The following KCNAB1 variants were observed in gnomAD, a reference collection of about 807,000 sequenced individuals.
The protein encoded by KCNAB1 is voltage-gated potassium channel subunit beta-1.
In KCNAB1, 35 loss-of-function variants were observed where a neutral mutation model predicts 64.6. The ratio of observed to expected loss-of-function variants is 0.54; its 90% CI spans 0.41 to 0.72. The LOEUF (loss-of-function observed/expected upper bound fraction) is 0.72. KCNAB1 is among the 30% of genes least tolerant of loss of function. The probability of loss-of-function intolerance (pLI) is 0.00; values close to 1 mark genes in which losing one functional copy is unlikely to be tolerated. For missense variants in KCNAB1, 401 were observed against 512.9 expected (o/e 0.78, Z 2.11); for synonymous variants, 177 against 183.8 (o/e 0.96, Z 0.30).
At chr3:156,301,973 A>T (rs1229464115) in intron 1 of KCNAB1, among the ~76,000 whole-genome samples, 1 of 152,240 alleles carries the variant, frequency 6.6e-6, no homozygotes, top group Non-Finnish European at 1.5e-5. Context: ...AGTGTCTTAA[A>T]CTAACACAGA....
chr3:156,306,116 T>C (rs1302087674), intron 1 of KCNAB1, among the ~76,000 whole-genome samples: 1 of 152,230 alleles, frequency 6.6e-6, no homozygotes, highest in Non-Finnish European at 1.5e-5. Flanking sequence ...GTTATTGATA[T>C]TGATACTTAC....
At chr3:156,127,706 T>C (rs1426387945) in intron 1 of KCNAB1, among the ~76,000 whole-genome samples, 1 of 152,208 alleles carries the variant, frequency 6.6e-6, no homozygotes, top group African/African-American at 2.4e-5. Flanking sequence ...CATTGTCCTG[T>C]GTAGCTGCAC....
intron 8 of KCNAB1, among the ~76,000 whole-genome samples, chr3:156,495,696 G>A (rs143379235): frequency 0.025 from 3,809 of 152,176 alleles, 73 homozygotes; most frequent in South Asian, 0.068. Flanking sequence ...CCTCATGTGC[G>A]AAATAAGAAT....
intron 1 of KCNAB1, among the ~76,000 whole-genome samples, chr3:156,394,928 G>A (rs73019915): frequency 5.3e-5 from 8 of 152,284 alleles, no homozygotes; most frequent in Admixed American, 2.6e-4. Context: ...CATTGCAAAC[G>A]TGGAAATATT....
In KCNAB1 at chr3:156,257,679, T is replaced by C. The variant is rs1192344452; in HGVS notation, c.275+136793T>C. ...ATCCCCATGATCACAGGGAGTTGGA[T>C]TCAGGATTGATGCCTTACACAAAGA... On this transcript the variant is annotated intron_variant, in intron 1 of 13. Coordinates refer to ENST00000490337, the MANE Select transcript of KCNAB1 (RefSeq NM_172160.3). 1.3e-5 allele frequency among the ~76,000 whole-genome samples: 2 copies of C among 152,184 alleles called. 1 individual carries two copies. Among genetic ancestry groups the C allele is most frequent in the Non-Finnish European group, 2.9e-5 (2 of 68,030 alleles).
At chr3:156,254,939 A>G (rs1718018115) in intron 1 of KCNAB1, among the ~76,000 whole-genome samples, 1 of 152,240 alleles carries the variant, frequency 6.6e-6, no homozygotes, top group Non-Finnish European at 1.5e-5. Flanking sequence ...CCAATTGCCC[A>G]GATAAAAAGG....
At chr3:156,218,462 C>A (rs1715464474) in intron 1 of KCNAB1, among the ~76,000 whole-genome samples, 1 of 152,130 alleles carries the variant, frequency 6.6e-6, no homozygotes, top group Admixed American at 6.5e-5. Flanking sequence ...TATAGCCCTG[C>A]CCACTGCCTG....
chr3:156,148,647 CT>C (rs957351742), intron 1 of KCNAB1, among the ~76,000 whole-genome samples: 6 of 152,196 alleles, frequency 3.9e-5, no homozygotes. Context: ...GGCTCACTGC[CT>C]GCTAGCATGG....
intron 1 of KCNAB1, among the ~76,000 whole-genome samples, chr3:156,245,996 AT>A (rs1717429654): frequency 6.6e-6 from 1 of 152,042 alleles, no homozygotes; most frequent in Admixed American, 6.5e-5. Context: ...GACTAACAGC[AT>A]TTAAAAAGAA....
chr3:156,518,342 T>C (rs1301591337), intron 11 of KCNAB1, among the ~76,000 whole-genome samples: 1 of 152,086 alleles, frequency 6.6e-6, no homozygotes, highest in African/African-American at 2.4e-5. Context: ...TTCGGAGTAA[T>C]ATATGTGCAC....
At chr3:156,374,007 T>C in intron 1 of KCNAB1, among the ~76,000 whole-genome samples, 1 of 152,240 alleles carries the variant, frequency 6.6e-6, no homozygotes, top group East Asian at 1.9e-4. Context: ...GTTAGATTCT[T>C]AGCTCTGTCT....
intron 1 of KCNAB1, among the ~76,000 whole-genome samples, chr3:156,201,088 A>G (rs1377611049): frequency 6.6e-6 from 1 of 152,130 alleles, no homozygotes; most frequent in East Asian, 1.9e-4. Flanking sequence ...AGCTCCTTGC[A>G]CTTCCCAGGT....
intron 1 of KCNAB1, among the ~76,000 whole-genome samples, chr3:156,248,891 G>A (rs114011213): frequency 0.01 from 1,533 of 152,166 alleles, 26 homozygotes; most frequent in African/African-American, 0.035. Flanking sequence ...AGTGTAGAGG[G>A]CAGTACCTCT....
chr3:156,309,157 G>A (rs554988884), intron 1 of KCNAB1, among the ~76,000 whole-genome samples: 1 of 152,174 alleles, frequency 6.6e-6, no homozygotes, highest in African/African-American at 2.4e-5. Context: ...GCTCCATACT[G>A]AGTTGTAAAT....
intron 1 of KCNAB1, among the ~76,000 whole-genome samples, chr3:156,234,400 G>A (rs1454712634): frequency 1.3e-5 from 2 of 152,148 alleles, no homozygotes; most frequent in African/African-American, 4.8e-5. Flanking sequence ...GACTTTAGGA[G>A]CCAGAACATA....
chr3:156,369,053 C>T (rs1355545304), intron 1 of KCNAB1, among the ~76,000 whole-genome samples: 1 of 152,172 alleles, frequency 6.6e-6, no homozygotes, highest in Non-Finnish European at 1.5e-5. Flanking sequence ...AGATCTAGAA[C>T]ATTTCCACCC....
chr3:156,311,097 G>A (rs184597270), intron 1 of KCNAB1, among the ~76,000 whole-genome samples: 1 of 152,328 alleles, frequency 6.6e-6, no homozygotes, highest in African/African-American at 2.4e-5. Flanking sequence ...TAATGTGCCA[G>A]TAGCACTGGA....
chr3:156,350,963 A>G (rs564712338), intron 1 of KCNAB1, among the ~76,000 whole-genome samples: 1 of 152,370 alleles, frequency 6.6e-6, no homozygotes, highest in East Asian at 1.9e-4. Context: ...CCGTGTGTGA[A>G]AAGTTTCCTG....
chr3:156,261,192 T>G (rs1177144070), intron 1 of KCNAB1, among the ~76,000 whole-genome samples: 1 of 152,092 alleles, frequency 6.6e-6, no homozygotes, highest in Non-Finnish European at 1.5e-5. Context: ...GTCTTTTCAT[T>G]TACTTAATGA....
Sources: allele counts gnomAD v4.1 joint callset (sites outside exome capture counted in the v4.1 genomes callset), GRCh38; gene constraint gnomAD v4.1.1; transcripts MANE v1.5; gene names NCBI Gene and HGNC (gene_info 2026-07-23, HGNC 2026-07-21).